Variants in CEP350 observed in about 807,000 individuals in gnomAD.
The protein encoded by CEP350 is centrosome-associated protein 350.
CEP350 carries 126 observed loss-of-function variants against 331.8 expected under a neutral mutation model. The ratio of observed to expected loss-of-function variants is 0.38; its 90% confidence interval spans 0.33 to 0.44. The LOEUF is 0.44. CEP350 is among the 20% of genes least tolerant of loss of function. The probability of loss-of-function intolerance (pLI) is 1.00; values close to 1 mark genes in which losing one functional copy is unlikely to be tolerated. For missense variants in CEP350, 3,406 were observed against 3,634.6 expected, an observed-to-expected ratio of 0.94 and a Z score of 1.62; for synonymous variants, 1,200 against 1,259.5, an observed-to-expected ratio of 0.95 and a Z score of 1.00.
chr1:180,059,715 T>C (rs1333650179), intron 25 of CEP350, among the ~76,000 whole-genome samples: 1 of 152,088 alleles, frequency 6.6e-6, no homozygotes, highest in Non-Finnish European at 1.5e-5. Context: ...TTGACAAATG[T>C]TTTTCTTAAA....
chr1:180,091,502 T>A (rs79612066), intron 33 of CEP350, among the ~76,000 whole-genome samples: 2,032 of 152,258 alleles, frequency 0.013, 54 homozygotes, highest in African/African-American at 0.046. Context: ...GCTGTATACA[T>A]TTTTCAGTTT....
At chr1:180,101,370 A>T (rs1394988364) in intron 37 of CEP350, among the ~76,000 whole-genome samples, 2 of 152,136 alleles carry the variant, frequency 1.3e-5, no homozygotes, top group Admixed American at 1.3e-4. Context: ...CTCCTCTCCC[A>T]TAATTAGATT....
rs150386847 is a variant in CEP350, at chr1:180,020,342, A to G, written c.2568A>G (p.Ala856=). 23 of 1,613,808 alleles carry G rather than the reference A, an allele frequency of 1.4e-5. No individual in the cohort carries two copies. The highest frequency in any genetic ancestry group is 1.9e-5 in the Non-Finnish European group (23 of 1,179,912). ...GGGCCAGCATTAACTATGGGTCAGC[A>G]TGGAACACTGAGTATGATGTGCAGC... ...LAGASINYGS[A]WNTEYDVQQA... is the part of the protein sequence containing the mutation. The change falls in exon 12 of 38, where the codon GCA becomes GCG. Residue 856 remains alanine, a synonymous_variant. Coordinates refer to ENST00000367607, the MANE Select transcript of CEP350 (RefSeq NM_014810.5).
intron 1 of CEP350, chr1:179,968,744 A>G (rs1651206558): frequency 1.6e-6 from 1 of 606,782 alleles, no homozygotes; most frequent in South Asian, 1.4e-5. Context: ...CTTGACTTCC[A>G]AATGGAACAG....
Position 180,019,940 on chromosome 1 carries a change from C to G in CEP350, c.2175-9C>G. 1 of 1,557,928 alleles carries G rather than the reference C, an allele frequency of 6.4e-7. No individual in the cohort carries two copies. The highest frequency in any genetic ancestry group is 1.4e-5 in the African/African-American group (1 of 72,438). Reference sequence around the variant, plus strand: ...TAGTTAACTAACATATTGTGACTTTCATTTCCAGAAAAGACTTGATGGAAT... The same window carrying G: ...TAGTTAACTAACATATTGTGACTTTGATTTCCAGAAAAGACTTGATGGAAT... On this transcript the variant is annotated splice_polypyrimidine_tract_variant and intron_variant, in intron 11 of 37. Coordinates refer to ENST00000367607, the MANE Select transcript of CEP350 (RefSeq NM_014810.5).
At chr1:180,098,768 A>G (rs1054348717) in intron 36 of CEP350, 95 bp from the exon 37 acceptor site, 17 of 972,262 alleles carry the variant, frequency 1.7e-5, no homozygotes, top group Non-Finnish European at 2.4e-5. Context: ...TGTAAATATT[A>G]TATTCTTATC....
intron 1 of CEP350, among the ~76,000 whole-genome samples, chr1:179,960,444 A>T (rs1238006720): frequency 1.3e-5 from 2 of 152,204 alleles, no homozygotes; most frequent in Non-Finnish European, 2.9e-5. Context: ...GTGGAGCACC[A>T]TAGTAACTCA....
At chr1:180,102,258 C>T (rs1274513699) in intron 37 of CEP350, among the ~76,000 whole-genome samples, 1 of 151,930 alleles carries the variant, frequency 6.6e-6, no homozygotes, top group Non-Finnish European at 1.5e-5. Context: ...GTCTCAGTCT[C>T]CGGAGTAGCT....
At chr1:180,047,692 G>A (rs1328537232) in intron 21 of CEP350, among the ~76,000 whole-genome samples, 1 of 146,992 alleles carries the variant, frequency 6.8e-6, no homozygotes, top group African/African-American at 2.5e-5. Flanking sequence ...AATCCAGGAA[G>A]TGGAGGTTGC....
chr1:180,011,591 TC>T (rs1654661122), intron 8 of CEP350, among the ~76,000 whole-genome samples: 1 of 152,048 alleles, frequency 6.6e-6, no homozygotes, highest in African/African-American at 2.4e-5. Flanking sequence ...ATAGGCACCC[TC>T]CACACACCTG....
intron 27 of CEP350, chr1:180,073,793 TCTC>T: frequency 7.7e-7 from 1 of 1,304,146 alleles, no homozygotes; most frequent in Non-Finnish European, 1.0e-6. Context: ...TAGACACTGC[TCTC>T]CTGTTCACTA....
In CEP350 at chr1:180,031,489, T is replaced by G. The variant is rs766324044; in HGVS notation, c.3720T>G (p.Ser1240=). Residue 1240 remains serine (S), a synonymous_variant, in exon 15 of 38, where the codon TCT becomes TCG. Transcript: ENST00000367607. ...CTTTGGAGGATCTTTCTGGACATTC[T>G]GTGAGGTAATGTATATTTTATACTG... ...DSTLEDLSGH[S]VSVSSDKGRS... is the part of the protein sequence containing the mutation. The G allele has an allele frequency of 2.1e-6, 3 of 1,411,874 alleles. No individual in the cohort carries two copies. In the Admixed American group the frequency reaches 7.7e-5, roughly 36 times the overall value. The allele number at this position is 1,411,874 out of a possible 1,614,324, so 87.5% of individuals were successfully genotyped here. A position where few individuals can be genotyped will look rare whatever the true frequency, so the allele number is the denominator to read the frequency against.
At chr1:179,994,010 A>G (rs1047572954) in intron 5 of CEP350, among the ~76,000 whole-genome samples, 1 of 152,220 alleles carries the variant, frequency 6.6e-6, no homozygotes, top group Admixed American at 6.5e-5. Context: ...TAGTCTATCT[A>G]AGGATGTAAA....
At chr1:179,971,124 G>A (rs1253768929) in intron 1 of CEP350, among the ~76,000 whole-genome samples, 12 of 151,810 alleles carry the variant, frequency 7.9e-5, no homozygotes. Context: ...TGCCTCCCGG[G>A]TTTAAGCAAT....
intron 1 of CEP350, among the ~76,000 whole-genome samples, chr1:179,962,386 A>G (rs982796052): frequency 2.6e-5 from 4 of 151,786 alleles, no homozygotes; most frequent in African/African-American, 9.7e-5. Context: ...TCTTTATCTA[A>G]TCTACTGTTT....
chr1:180,103,726 C>A (rs1009511038), intron 37 of CEP350, among the ~76,000 whole-genome samples: 1 of 151,936 alleles, frequency 6.6e-6, no homozygotes, highest in African/African-American at 2.4e-5. Context: ...TTAAAAGATG[C>A]TTCTTCCAGC....
chr1:180,093,893 T>C lies in CEP350; in HGVS notation c.7788T>C (p.Asn2596=). The change falls in exon 34 of 38, where the codon AAT becomes AAC. Residue 2596 remains asparagine (N), a synonymous_variant. Coordinates refer to ENST00000367607, the MANE Select transcript of CEP350 (RefSeq NM_014810.5). ...ATCAGTGCTATAATCAAGAGCAAAA[T>C]GATACAGAGGGTCCAAAAGACAGAG... ...ERYQCYNQEQ[N]DTEGPKDREK... is the part of the protein sequence containing the mutation. 1 of 1,613,828 alleles carries C rather than the reference T, an allele frequency of 6.2e-7. No individual in the cohort carries two copies. The highest frequency in any genetic ancestry group is 8.5e-7 in the Non-Finnish European group (1 of 1,179,848).
chr1:180,045,628 C>T (rs1347190629), intron 21 of CEP350, among the ~76,000 whole-genome samples: 1 of 152,216 alleles, frequency 6.6e-6, no homozygotes. Flanking sequence ...GACACCTTCA[C>T]TGAAACTTCA....
At chr1:180,078,888 G>C (rs1659399968) in intron 29 of CEP350, among the ~76,000 whole-genome samples, 1 of 152,120 alleles carries the variant, frequency 6.6e-6, no homozygotes, top group African/African-American at 2.4e-5. Flanking sequence ...TATCAAGTCT[G>C]TGAATATTGA....
Sources: allele counts gnomAD v4.1 joint callset (sites outside exome capture counted in the v4.1 genomes callset), GRCh38; gene constraint gnomAD v4.1.1; transcripts MANE v1.5; gene names NCBI Gene and HGNC (gene_info 2026-07-23, HGNC 2026-07-21).